SCRG1: variants seen among roughly 807,000 people sequenced by gnomAD.
The protein encoded by SCRG1 is scrapie-responsive protein 1.
A neutral mutation model predicts 7.7 loss-of-function variants in SCRG1; 3 were observed. That is an observed-to-expected ratio of 0.39 (90% confidence interval 0.18 to 1.01). SCRG1 has a LOEUF of 1.01. SCRG1 is among the 50% of genes least tolerant of loss of function. The probability of loss-of-function intolerance (pLI) is 0.36; values close to 1 mark genes in which losing one functional copy is unlikely to be tolerated. For synonymous variants in SCRG1, 46 were observed against 41.2 expected, an observed-to-expected ratio of 1.12 and a Z score of -0.44; for missense variants, 110 against 117.2, an observed-to-expected ratio of 0.94 and a Z score of 0.28.
chr4:173,485,036 T>TATATAA, the SCRG1 span, among the ~76,000 whole-genome samples: 1 of 10,940 alleles, frequency 9.1e-5, no homozygotes, highest in Non-Finnish European at 1.7e-4. Context: ...ATATTATATA[T>TATATAA]TATATATTAT....
At chr4:173,498,078 GA>G in the SCRG1 span, among the ~76,000 whole-genome samples, 1 of 152,150 alleles carries the variant, frequency 6.6e-6, no homozygotes, top group Non-Finnish European at 1.5e-5. Context: ...AGTATCAGTT[GA>G]ATACTATTCT....
chr4:173,441,416 C>T, the SCRG1 span, among the ~76,000 whole-genome samples: 2 of 152,132 alleles, frequency 1.3e-5, no homozygotes, highest in African/African-American at 2.4e-5. Context: ...AAATATATAT[C>T]GCATTAACAC....
the SCRG1 span, among the ~76,000 whole-genome samples, chr4:173,482,250 T>G: frequency 6.6e-6 from 1 of 152,170 alleles, no homozygotes; most frequent in Non-Finnish European, 1.5e-5. Context: ...TGGGCAAATC[T>G]TTAGTCTTCT....
intron 1 of SCRG1, among the ~76,000 whole-genome samples, chr4:173,395,154 T>A (rs995579705): frequency 6.6e-6 from 1 of 152,220 alleles, no homozygotes; most frequent in African/African-American, 2.4e-5. Context: ...TGTTCTTTCA[T>A]AGCGCCCTTT....
At chr4:173,393,919 A>G (rs2126916540) in intron 1 of SCRG1, among the ~76,000 whole-genome samples, 1 of 152,272 alleles carries the variant, frequency 6.6e-6, no homozygotes, top group South Asian at 2.1e-4. Flanking sequence ...TTTGTCAGAT[A>G]TGAAATAGTC....
intron 1 of SCRG1, among the ~76,000 whole-genome samples, chr4:173,397,598 A>C (rs753336837): frequency 1.2e-4 from 19 of 152,220 alleles, no homozygotes; most frequent in Non-Finnish European, 2.4e-4. Flanking sequence ...CTAAACAATA[A>C]ATCATTGCTA....
chr4:173,514,128 G>C, the SCRG1 span, among the ~76,000 whole-genome samples: 2 of 152,242 alleles, frequency 1.3e-5, no homozygotes, highest in East Asian at 1.9e-4. Flanking sequence ...AATTAGACTA[G>C]AAAATATTTG....
At chr4:173,408,988 T>G (rs1280561276), upstream of SCRG1, among the ~76,000 whole-genome samples, 1 of 98,388 alleles carries the variant, frequency 1.0e-5, no homozygotes, top group Admixed American at 1.4e-4. Flanking sequence ...CAAGACTCAG[T>G]CTCAAAAAAA....
the SCRG1 span, among the ~76,000 whole-genome samples, chr4:173,503,274 G>T: frequency 6.6e-6 from 1 of 152,214 alleles, no homozygotes; most frequent in East Asian, 1.9e-4. The surrounding 1 kb of genome is among the most constrained non-coding windows in gnomAD (Gnocchi z 6.4). Context: ...TTGGGATCCG[G>T]CCAGCTTCAG....
At chr4:173,428,081 T>G in the SCRG1 span, among the ~76,000 whole-genome samples, 1 of 151,842 alleles carries the variant, frequency 6.6e-6, no homozygotes, top group Non-Finnish European at 1.5e-5. Flanking sequence ...ATGTTTGGGG[T>G]GGAGGGGTGG....
chr4:173,489,811 AC>A, the SCRG1 span, among the ~76,000 whole-genome samples: 1 of 152,192 alleles, frequency 6.6e-6, no homozygotes, highest in Non-Finnish European at 1.5e-5. Flanking sequence ...GGAATGCAAA[AC>A]CACATTTATT....
rs542693052 is a variant in SCRG1, at chr4:173,405,348, G to T, written c.-748+912C>A. 2.6e-5 allele frequency among the ~76,000 whole-genome samples: 4 copies of T among 152,256 alleles called. No individual in the cohort carries two copies. In the East Asian group the frequency reaches 7.7e-4, roughly 29 times the overall value. ...TGTCATATCACACATGAACATACAGGTCAGGAACGTGACTTATCACTATTG... is the reference window on the plus strand; with the variant it reads ...TGTCATATCACACATGAACATACAGTTCAGGAACGTGACTTATCACTATTG... On this transcript the variant is annotated intron_variant and NMD_transcript_variant, in intron 1 of 8. Coordinates refer to the SCRG1 transcript ENST00000512188.
At chr4:173,511,285 C>G in the SCRG1 span, among the ~76,000 whole-genome samples, 1 of 152,032 alleles carries the variant, frequency 6.6e-6, no homozygotes, top group Non-Finnish European at 1.5e-5. This position sits in a 1 kb window ranked among gnomAD's most constrained non-coding sequence, Gnocchi z 5.2. Flanking sequence ...GGGTGGAAAA[C>G]ATTAGCTTCT....
the SCRG1 span, among the ~76,000 whole-genome samples, chr4:173,485,033 ATATTATATATTATATAATATATT>A: frequency 3.5e-5 from 1 of 28,878 alleles, no homozygotes. Flanking sequence ...AATATATTAT[ATATTATATATTATATAATATATT>A]ATATATTATA....
the SCRG1 span, among the ~76,000 whole-genome samples, chr4:173,494,479 A>T: frequency 6.6e-6 from 1 of 152,240 alleles, no homozygotes; most frequent in Non-Finnish European, 1.5e-5. Flanking sequence ...ATGTGCCAAC[A>T]CGGGGTGCGC....
chr4:173,396,624 G>A (rs1481552117), intron 1 of SCRG1, among the ~76,000 whole-genome samples: 2 of 151,816 alleles, frequency 1.3e-5, no homozygotes, highest in African/African-American at 2.4e-5. Flanking sequence ...CTGTGTTCAT[G>A]CCAGAGCATA....
the SCRG1 span, among the ~76,000 whole-genome samples, chr4:173,505,117 T>C: frequency 9.2e-5 from 14 of 152,326 alleles, no homozygotes; most frequent in African/African-American, 3.1e-4. The surrounding 1 kb of genome is among the most constrained non-coding windows in gnomAD (Gnocchi z 4.4). Context: ...ACCACTCATT[T>C]AGCCACCTCC....
At chr4:173,515,189 T>C in the SCRG1 span, among the ~76,000 whole-genome samples, 1 of 152,290 alleles carries the variant, frequency 6.6e-6, no homozygotes, top group African/African-American at 2.4e-5. This position sits in a 1 kb window ranked among gnomAD's most constrained non-coding sequence, Gnocchi z 4.6. Context: ...TTTGCAGAAG[T>C]TGGAACATAC....
chr4:173,482,966 TATATATA>T, the SCRG1 span, among the ~76,000 whole-genome samples: 4 of 133,530 alleles, frequency 3.0e-5, no homozygotes, highest in Admixed American at 8.7e-5. Context: ...GTACATATTG[TATATATA>T]ATATATAATA....
Sources: allele counts gnomAD v4.1 joint callset (sites outside exome capture counted in the v4.1 genomes callset), GRCh38; gene constraint gnomAD v4.1.1; non-coding constraint Gnocchi (gnomAD v3.1); transcripts MANE v1.5; gene names NCBI Gene and HGNC (gene_info 2026-07-23, HGNC 2026-07-21).